PEX5: variants seen among roughly 807,000 people sequenced by gnomAD.
The protein encoded by PEX5 is PTS1 receptor.
A neutral mutation model predicts 82.9 loss-of-function variants in PEX5; 52 were observed. The observed-to-expected ratio is 0.63, with a 90% CI of 0.50 to 0.79. The LOEUF is 0.79. Among genes scored for constraint, PEX5 ranks in the 30% least tolerant of loss-of-function variants. The pLI is 0.00. For missense variants in PEX5, 719 were observed against 815.2 expected (o/e 0.88, Z 1.44); for synonymous variants, 300 against 318.8 (o/e 0.94, Z 0.63).
intron 10 of PEX5, among the ~76,000 whole-genome samples, 179 bp from the exon 11 acceptor site, chr12:7,207,480 T>C (rs1376218630): frequency 6.6e-6 from 1 of 152,204 alleles, no homozygotes; most frequent in Non-Finnish European, 1.5e-5. Flanking sequence ...ACAAACCTGA[T>C]ACCAAATGAT....
intron 5 of PEX5, among the ~76,000 whole-genome samples, chr12:7,198,347 A>C (rs769079073): frequency 2.6e-5 from 4 of 152,330 alleles, no homozygotes; most frequent in African/African-American, 9.6e-5. Flanking sequence ...ATGTGAGTGT[A>C]TCAAATGTGG....
intron 6 of PEX5, among the ~76,000 whole-genome samples, chr12:7,199,815 C>T (rs1312222063): frequency 7.1e-6 from 1 of 141,232 alleles, no homozygotes; most frequent in Non-Finnish European, 1.5e-5. Flanking sequence ...CTGGACGGGG[C>T]GGCTGGCCGG....
upstream of PEX5, chr12:7,189,178 G>C (rs1228191496): frequency 6.6e-6 from 1 of 152,228 alleles, no homozygotes; most frequent in African/African-American, 2.4e-5. Flanking sequence ...TACCCCGCTA[G>C]GGGTTATTTG....
chr12:7,189,616 T>A (rs777268877), upstream of PEX5: 2 of 297,258 alleles, frequency 6.7e-6, no homozygotes, highest in East Asian at 5.7e-5. Context: ...CAGCTTCCGC[T>A]GGGCCTGGGC....
Position 7,208,497 on chromosome 12 carries a change from G to T in PEX5, c.1222G>T (p.Ala408Ser). Residue 408 changes from alanine to serine, a missense_variant, in exon 13 of 16, where the codon GCG becomes TCG. By Grantham distance (99) the Ala-to-Ser change is moderately conservative. Transcript: ENST00000675855. ...LKPDNQTALM[A>S]LAVSFTNESL... ...GCCAGATAACCAGACAGCACTGATG[G>T]CGCTGGCTGTGAGCTTCACCAACGA... 1.2e-6 allele frequency: 2 copies of T among 1,614,188 alleles called. No homozygotes were observed. Among genetic ancestry groups the T allele is most frequent in the Non-Finnish European group, 8.5e-7 (1 of 1,180,016 alleles).
rs773375737 is a variant in PEX5 at position 7,210,360 on chromosome 12, C to T, written c.*137C>T. 351 of 767,918 alleles carry T rather than the reference C, an allele frequency of 4.6e-4. 2 individuals carry two copies. The highest frequency in any genetic ancestry group is 3.7e-4 in the Admixed American group (19 of 51,308). 47.6% of individuals were successfully genotyped at this position (767,918 alleles called of 1,614,324 possible). ...TACGGCCTTTCAGGAGCTGCCTCAA[C>T]GTAGGGGTGGGTAGTCTGTGTTCTA... On this transcript the variant is annotated 3_prime_UTR_variant, in exon 16 of 16. Coordinates refer to ENST00000675855, the MANE Select transcript of PEX5 (RefSeq NM_001351132.2).
chr12:7,197,460 TAATTATATA>T (rs1942923787), intron 5 of PEX5, among the ~76,000 whole-genome samples: 1 of 52,164 alleles, frequency 1.9e-5, no homozygotes, highest in African/African-American at 3.9e-5. Context: ...TATAATGTAA[TAATTATATA>T]TGTTATATAT....
intron 4 of PEX5, 44 bp downstream of exon 4, chr12:7,191,402 G>A (rs762218876): frequency 7.4e-6 from 12 of 1,613,542 alleles, no homozygotes; most frequent in Non-Finnish European, 1.0e-5. Context: ...TTTCCATGTA[G>A]CCAGGGCCAA....
intron 6 of PEX5, among the ~76,000 whole-genome samples, chr12:7,200,233 G>A (rs766777185): frequency 0.017 from 2,526 of 145,606 alleles, 69 homozygotes; most frequent in African/African-American, 0.06. Context: ...AGGCAGAGGC[G>A]CTCCTCACAT....
Position 7,197,483 on chromosome 12 carries a change from A to AATTATATATGTTATATATAATG in PEX5, c.449-1528_449-1527insATTATATATGTTATATATAATG, listed in dbSNP as rs1942934911. On this transcript the variant is annotated intron_variant, in intron 5 of 15. Coordinates refer to ENST00000675855, the MANE Select transcript of PEX5 (RefSeq NM_001351132.2). The stretch of plus-strand genomic sequence containing the variant: ...AATAATTATATATGTTATATATAAT[A>AATTATATATGTTATATATAATG]TAATAATTATATATGTTATATATAA... 1.2e-4 allele frequency among the ~76,000 whole-genome samples: 12 copies of AATTATATATGTTATATATAATG among 98,990 alleles called. 2 individuals carry two copies. In the South Asian group the frequency reaches 1.5e-3, roughly 12 times the overall value. The allele number at this position is 98,990 out of a possible 152,430, so 64.9% of individuals were successfully genotyped here. A position where few individuals can be genotyped will look rare whatever the true frequency, so the allele number is the denominator to read the frequency against.
intron 10 of PEX5, among the ~76,000 whole-genome samples, chr12:7,207,379 G>A (rs1465404238): frequency 2.0e-5 from 3 of 152,178 alleles, no homozygotes; most frequent in Admixed American, 2.0e-4. Flanking sequence ...ATACAAGCCT[G>A]TGATGACTTC....
rs1346240727 is a variant in PEX5 at position 7,199,248 on chromosome 12, G to A, written c.551+135G>A. The A allele has an allele frequency of 1.1e-5, 5 of 469,288 alleles. 1 individual carries two copies. Among genetic ancestry groups the A allele is most frequent in the Admixed American group, 6.4e-5 (2 of 31,250 alleles). The allele number at this position is 469,288 out of a possible 1,614,324, so 29.1% of individuals were successfully genotyped here. The stretch of plus-strand genomic sequence containing the variant: ...TTTTTATCATTCTTGGGTGTTTCTT[G>A]CAGAGGGGGATTTGGCAGGGTCATA... On this transcript the variant is annotated intron_variant, in intron 6 of 15. Transcript: ENST00000675855.
At chr12:7,195,613 G>GTTT (rs569657756) in intron 5 of PEX5, among the ~76,000 whole-genome samples, 6 of 136,224 alleles carry the variant, frequency 4.4e-5, no homozygotes, top group African/African-American at 1.3e-4. Flanking sequence ...TGTTTTTTCT[G>GTTT]TTTTTTTTTT....
chr12:7,189,929 A>G (rs901908670), intron 1 of PEX5, 179 bp downstream of exon 1: 179 of 1,463,354 alleles, frequency 1.2e-4, no homozygotes, highest in Admixed American at 2.2e-4. Context: ...ACTTAAGGGG[A>G]GGGAATGCTC....
intron 7 of PEX5, 132 bp downstream of exon 7, chr12:7,201,973 A>G (rs180926908): frequency 7.8e-6 from 6 of 773,394 alleles, no homozygotes; most frequent in Admixed American, 6.0e-5. Flanking sequence ...TGTCTATAGA[A>G]CAGAGACTTA....
intron 5 of PEX5, among the ~76,000 whole-genome samples, chr12:7,197,984 C>A (rs759123218): frequency 1.4e-5 from 2 of 138,720 alleles, no homozygotes; most frequent in African/African-American, 5.5e-5. Flanking sequence ...GAAAGAACAC[C>A]GTAGGCTTGT....
Position 7,191,856 on chromosome 12 carries a change from C to T in PEX5, c.448+156C>T, listed in dbSNP as rs140159645. Among the ~76,000 whole-genome samples the T allele has an allele frequency of 1.8e-4, 27 of 152,218 alleles. 1 individual carries two copies. The highest frequency in any genetic ancestry group is 3.4e-3 in the Middle Eastern group (1 of 294). On this transcript the variant is annotated intron_variant, in intron 5 of 15. Coordinates refer to ENST00000675855, the MANE Select transcript of PEX5 (RefSeq NM_001351132.2). The stretch of plus-strand genomic sequence containing the variant: ...GAACTCAATTTCCCTTAGGTGATAA[C>T]GGAATGTAATGTATATTAAAGAGAG...
chr12:7,202,127 C>G, intron 7 of PEX5, 114 bp from the exon 8 acceptor site: 1 of 1,512,272 alleles, frequency 6.6e-7, no homozygotes, highest in Non-Finnish European at 9.2e-7. Flanking sequence ...CATATCTTGT[C>G]TGCAGCTAGA....
intron 17 of PEX5, among the ~76,000 whole-genome samples, chr12:7,216,676 A>G (rs1945789601): frequency 6.6e-6 from 1 of 152,232 alleles, no homozygotes; most frequent in African/African-American, 2.4e-5. Flanking sequence ...ACCTGGAATA[A>G]AAGTCAAAAA....
Sources: allele counts gnomAD v4.1 joint callset (sites outside exome capture counted in the v4.1 genomes callset), GRCh38; gene constraint gnomAD v4.1.1; transcripts MANE v1.5; gene names NCBI Gene and HGNC (gene_info 2026-07-23, HGNC 2026-07-21).